FAM53B: variants seen among roughly 807,000 people sequenced by gnomAD.
FAM53B encodes protein FAM53B.
A neutral mutation model predicts 32.7 loss-of-function variants in FAM53B; 12 were observed. That is an observed-to-expected ratio of 0.37 (90% CI 0.24 to 0.59). The LOEUF (loss-of-function observed/expected upper bound fraction) is 0.59, where lower values mean the gene tolerates loss of function less well. Among genes scored for constraint, FAM53B ranks in the 20% least tolerant of loss-of-function variants. FAM53B has a pLI of 0.72. For missense variants in FAM53B, 477 were observed against 577.7 expected, an observed-to-expected ratio of 0.83 and a Z score of 1.79; for synonymous variants, 234 against 228.7, an observed-to-expected ratio of 1.02 and a Z score of -0.21.
intron 1 of FAM53B, among the ~76,000 whole-genome samples, chr10:124,726,492 T>C (rs1259267307): frequency 2.0e-5 from 3 of 152,200 alleles, no homozygotes; most frequent in South Asian, 2.1e-4. Context: ...CAGATGAGGA[T>C]GCCATGTTTC....
chr10:124,732,729 C>T (rs1208044698), intron 1 of FAM53B, among the ~76,000 whole-genome samples: 1 of 151,900 alleles, frequency 6.6e-6, no homozygotes, highest in Non-Finnish European at 1.5e-5. Flanking sequence ...CATAGTGGCA[C>T]ACGCCCATAG....
chr10:124,703,469 AC>A (rs1490536552), intron 2 of FAM53B, among the ~76,000 whole-genome samples: 2 of 152,322 alleles, frequency 1.3e-5, no homozygotes, highest in African/African-American at 2.4e-5. Context: ...ACTTCCCAAG[AC>A]CCTCAGTGTA....
At chr10:124,713,757 T>C (rs1333360797) in intron 1 of FAM53B, 5 of 152,232 alleles carry the variant, frequency 3.3e-5, no homozygotes, top group African/African-American at 4.8e-5. Flanking sequence ...CTTGCACACA[T>C]TAGTTTCACA....
chr10:124,667,169 G>T, intron 4 of FAM53B: 1 of 534,360 alleles, frequency 1.9e-6, no homozygotes, highest in Non-Finnish European at 3.3e-6. Context: ...TCTGAAACCA[G>T]TAAGAAAAAA....
chr10:124,623,767 T>C (rs188165699), intron 4 of FAM53B, 163 bp from the exon 5 acceptor site: 3 of 678,964 alleles, frequency 4.4e-6, no homozygotes, highest in South Asian at 4.0e-5. Context: ...AACGTACTCA[T>C]GAAGATGCAC....
intron 2 of FAM53B, among the ~76,000 whole-genome samples, chr10:124,702,077 A>G (rs1484105339): frequency 6.6e-6 from 1 of 152,112 alleles, no homozygotes; most frequent in Non-Finnish European, 1.5e-5. Context: ...TCCCTTGCAC[A>G]TTGAGACTTT....
intron 1 of FAM53B, among the ~76,000 whole-genome samples, chr10:124,716,218 C>T (rs1950037639): frequency 6.6e-6 from 1 of 152,154 alleles, no homozygotes; most frequent in Non-Finnish European, 1.5e-5. Context: ...TCTAGTCCTT[C>T]AGGTAATCAA....
intron 3 of FAM53B, among the ~76,000 whole-genome samples, chr10:124,687,626 G>C: frequency 6.6e-6 from 1 of 152,174 alleles, no homozygotes; most frequent in Non-Finnish European, 1.5e-5. Flanking sequence ...TGGAAACCTG[G>C]CTTCTCTGAC....
At chr10:124,724,006 C>A (rs186406075) in intron 1 of FAM53B, among the ~76,000 whole-genome samples, 1 of 152,276 alleles carries the variant, frequency 6.6e-6, no homozygotes, top group African/African-American at 2.4e-5. Context: ...GCTGGCTGTG[C>A]TAGGGACTGA....
At chr10:124,671,260 T>C (rs1013934791) in intron 4 of FAM53B, 2 of 442,710 alleles carry the variant, frequency 4.5e-6, no homozygotes, top group African/African-American at 2.0e-5. Flanking sequence ...CGGGACCAGC[T>C]AGCCGGCGCC....
rs947745115 is a variant in FAM53B at position 124,637,238 on chromosome 10, A to G, written c.907-13634T>C. Among the ~76,000 whole-genome samples, 8 of 152,254 alleles carry G rather than the reference A, an allele frequency of 5.3e-5. No individual in the cohort carries two copies. In the South Asian group the frequency reaches 1.2e-3, roughly 24 times the overall value. On this transcript the variant is annotated intron_variant, in intron 4 of 4. Coordinates refer to ENST00000337318, the MANE Select transcript of FAM53B (RefSeq NM_014661.4). Reference sequence around the variant, plus strand: ...CACCCTTGCTGGTGCTGGGCCTCACAGGGTCCGCAGGTGGCAGGAGACAAC... The same window carrying G: ...CACCCTTGCTGGTGCTGGGCCTCACGGGGTCCGCAGGTGGCAGGAGACAAC...
intron 4 of FAM53B, among the ~76,000 whole-genome samples, chr10:124,644,069 C>A (rs912571835): frequency 2.1e-4 from 32 of 152,328 alleles, no homozygotes; most frequent in South Asian, 8.3e-4. Flanking sequence ...AAATTCACCA[C>A]CCGGTGCCTG....
chr10:124,684,675 C>T (rs753205116), intron 3 of FAM53B, among the ~76,000 whole-genome samples: 14 of 152,032 alleles, frequency 9.2e-5, no homozygotes, highest in Non-Finnish European at 1.5e-4. Flanking sequence ...ATGTACCACA[C>T]GCCCAGCTAA....
intron 4 of FAM53B, among the ~76,000 whole-genome samples, chr10:124,637,094 A>G (rs1008858859): frequency 2.0e-5 from 3 of 152,120 alleles, no homozygotes; most frequent in African/African-American, 7.2e-5. Context: ...AACCCTCCAG[A>G]GGCTGCCCTT....
At position 124,658,812 on chromosome 10, in the gene FAM53B, C is replaced by T. The variant is rs148518640; in HGVS notation, c.906+22795G>A. Among the ~76,000 whole-genome samples the T allele has an allele frequency of 1.1e-3, 166 of 152,328 alleles. 3 individuals carry two copies. The highest frequency in any genetic ancestry group is 1.3e-3 in the Non-Finnish European group (87 of 68,036). On this transcript the variant is annotated intron_variant, in intron 4 of 4. Coordinates refer to ENST00000337318, the MANE Select transcript of FAM53B (RefSeq NM_014661.4). The stretch of plus-strand genomic sequence containing the variant: ...CGTTCCCTGCCTCCACCCATGCTCC[C>T]CGTGTCCGCCTGTCAAAGCTTCTCC...
chr10:124,699,465 C>T (rs1348123514), intron 2 of FAM53B, among the ~76,000 whole-genome samples: 1 of 152,212 alleles, frequency 6.6e-6, no homozygotes, highest in Non-Finnish European at 1.5e-5. Flanking sequence ...CTCCTCATGC[C>T]GGTCTCCAAC....
intron 4 of FAM53B, among the ~76,000 whole-genome samples, chr10:124,633,949 A>T (rs1349035968): frequency 5.9e-5 from 9 of 152,268 alleles, no homozygotes; most frequent in African/African-American, 1.2e-4. Context: ...ATGTCAAAAA[A>T]TGCCAAAAGC....
chr10:124,650,293 G>A (rs908226783), intron 4 of FAM53B, among the ~76,000 whole-genome samples: 7 of 152,210 alleles, frequency 4.6e-5, no homozygotes, highest in Non-Finnish European at 7.3e-5. Context: ...AGGTCATCGC[G>A]GGACAGGTGT....
Position 124,667,462 on chromosome 10 carries a change from A to T in FAM53B, c.906+14145T>A, listed in dbSNP as rs564815212. 1.6e-5 allele frequency: 12 copies of T among 752,264 alleles called. No individual in the cohort carries two copies. In the East Asian group the frequency reaches 2.8e-4, roughly 17 times the overall value. The allele number at this position is 752,264 out of a possible 1,614,324, so 46.6% of individuals were successfully genotyped here. ...AACAGGTGAGTTTCTTCTGCAAATC[A>T]TCCCCCACCTCACCTGCCAACAGTC... On this transcript the variant is annotated intron_variant, in intron 4 of 4. Coordinates refer to ENST00000337318, the MANE Select transcript of FAM53B (RefSeq NM_014661.4).
Sources: gnomAD v4.1 joint callset for allele counts (sites outside exome capture counted in the v4.1 genomes callset) on GRCh38, gnomAD v4.1.1 for gene constraint, MANE v1.5 for transcripts, NCBI Gene and HGNC (gene_info 2026-07-23, HGNC 2026-07-21) for gene names.